TOPAZ1: variants seen among roughly 807,000 people sequenced by gnomAD.
TOPAZ1 encodes the protein protein TOPAZ1.
TOPAZ1 carries 66 observed loss-of-function variants against 172.2 expected under a neutral mutation model. The observed-to-expected ratio is 0.38, with a 90% CI of 0.31 to 0.47. TOPAZ1 has a LOEUF of 0.47. Among genes scored for constraint, TOPAZ1 ranks in the 20% least tolerant of loss-of-function variants. The pLI is 0.99. For synonymous variants in TOPAZ1, 681 were observed against 683.9 expected, an observed-to-expected ratio of 1.00 and a Z score of 0.07; for missense variants, 1,822 against 1,972.4, an observed-to-expected ratio of 0.92 and a Z score of 1.44.
intron 17 of TOPAZ1, among the ~76,000 whole-genome samples, chr3:44,322,153 T>C (rs1384829785): frequency 1.3e-5 from 2 of 152,196 alleles, no homozygotes; most frequent in East Asian, 3.9e-4. Context: ...AAGTCCTGGA[T>C]AACTAAAAGA....
intron 14 of TOPAZ1, among the ~76,000 whole-genome samples, chr3:44,305,711 T>G (rs1038052449): frequency 5.9e-5 from 9 of 152,008 alleles, no homozygotes; most frequent in African/African-American, 1.7e-4. Context: ...AAAAAAAAAT[T>G]AAAAAAAGAA....
chr3:44,300,278 A>G (rs556835300), intron 12 of TOPAZ1, among the ~76,000 whole-genome samples: 2 of 151,958 alleles, frequency 1.3e-5, no homozygotes, highest in South Asian at 4.2e-4. Flanking sequence ...ACTAAAAATA[A>G]CAAAAATTAC....
chr3:44,254,515 T>A (rs1287303192), intron 2 of TOPAZ1, among the ~76,000 whole-genome samples: 1 of 150,882 alleles, frequency 6.6e-6, no homozygotes, highest in African/African-American at 2.4e-5. Context: ...TAATCCCAGC[T>A]ACTCAGGAGG....
In TOPAZ1 at chr3:44,242,030, C is replaced by T; in HGVS notation, c.-24C>T. The T allele has an allele frequency of 6.5e-7, 1 of 1,536,022 alleles. No homozygotes were observed. Among genetic ancestry groups the T allele is most frequent in the Non-Finnish European group, 8.7e-7 (1 of 1,144,224 alleles). Reference sequence around the variant, plus strand: ...TTCCTGCGAGCTGGTGCAGAGGGGCCCCAGCGGGCCGGCCCCGGGGCACAT... The same window carrying T: ...TTCCTGCGAGCTGGTGCAGAGGGGCTCCAGCGGGCCGGCCCCGGGGCACAT... On this transcript the variant is annotated 5_prime_UTR_variant, in exon 1 of 20. Transcript: ENST00000309765.
At chr3:44,268,631 C>T (rs951828051) in intron 6 of TOPAZ1, among the ~76,000 whole-genome samples, 1 of 152,054 alleles carries the variant, frequency 6.6e-6, no homozygotes, top group Non-Finnish European at 1.5e-5. Context: ...AATCTGCCCA[C>T]GTGGGCCTCC....
intron 9 of TOPAZ1, among the ~76,000 whole-genome samples, chr3:44,285,082 T>C (rs553191923): frequency 6.6e-6 from 1 of 152,232 alleles, no homozygotes; most frequent in African/African-American, 2.4e-5. Context: ...ACTAGAATTA[T>C]GCATTCCTAA....
At chr3:44,324,839 T>C (rs758725386) in intron 18 of TOPAZ1, among the ~76,000 whole-genome samples, 13 of 152,186 alleles carry the variant, frequency 8.5e-5, no homozygotes, top group Non-Finnish European at 1.6e-4. Context: ...TCAGCCCTAG[T>C]AAGAATTACT....
intron 12 of TOPAZ1, among the ~76,000 whole-genome samples, chr3:44,301,930 GTCA>G (rs1033289070): frequency 6.6e-6 from 1 of 152,034 alleles, no homozygotes; most frequent in African/African-American, 2.4e-5. Flanking sequence ...GTGGTTTTGA[GTCA>G]TCATTTCTCT....
At chr3:44,286,637 A>G (rs1434872747) in intron 9 of TOPAZ1, among the ~76,000 whole-genome samples, 1 of 152,202 alleles carries the variant, frequency 6.6e-6, no homozygotes, top group Non-Finnish European at 1.5e-5. Flanking sequence ...AAATATTTCT[A>G]ATAGAAGTAA....
At chr3:44,297,816 AATCAACCATATTTCT>A (rs1700216840) in intron 12 of TOPAZ1, among the ~76,000 whole-genome samples, 1 of 152,190 alleles carries the variant, frequency 6.6e-6, no homozygotes, top group Non-Finnish European at 1.5e-5. Flanking sequence ...TCAACACAAA[AATCAACCATATTTCT>A]ATATACTGAA....
At chr3:44,271,216 G>T (rs1699894815) in intron 8 of TOPAZ1, among the ~76,000 whole-genome samples, 1 of 152,148 alleles carries the variant, frequency 6.6e-6, no homozygotes, top group Non-Finnish European at 1.5e-5. Context: ...AGCCCTAGTA[G>T]ATAACAGCCA....
chr3:44,298,909 ATTTTTTTTTTT>A (rs1220596657), intron 12 of TOPAZ1, among the ~76,000 whole-genome samples: 3 of 41,318 alleles, frequency 7.3e-5, no homozygotes, highest in Non-Finnish European at 1.3e-4. Flanking sequence ...ATATATATAT[ATTTTTTTTTTT>A]TTTTTTTTTT....
chr3:44,330,264 G>A (rs4575873), intron 19 of TOPAZ1, among the ~76,000 whole-genome samples: 6 of 152,016 alleles, frequency 3.9e-5, no homozygotes, highest in Non-Finnish European at 8.8e-5. Flanking sequence ...ATCCTAATGA[G>A]GTCATGGTTT....
intron 7 of TOPAZ1, 41 bp from the exon 8 acceptor site, chr3:44,270,644 T>G (rs1452723192): frequency 2.7e-6 from 4 of 1,488,408 alleles, no homozygotes; most frequent in Non-Finnish European, 3.6e-6. Context: ...TAGTAAGTGC[T>G]TTACAGTTAA....
intron 14 of TOPAZ1, 51 bp downstream of exon 14, chr3:44,305,372 T>C: frequency 7.0e-7 from 1 of 1,431,828 alleles, no homozygotes; most frequent in Non-Finnish European, 9.2e-7. Flanking sequence ...GGTGCAGTTT[T>C]CTTTTTTGTT....
chr3:44,287,698 G>T, intron 10 of TOPAZ1, 49 bp from the exon 11 acceptor site: 1 of 1,109,304 alleles, frequency 9.0e-7, no homozygotes, highest in East Asian at 2.7e-5. Flanking sequence ...AATTTAAGGT[G>T]TACTAAAAGA....
At chr3:44,286,904 T>C (rs1313146729) in intron 9 of TOPAZ1, among the ~76,000 whole-genome samples, 1 of 152,162 alleles carries the variant, frequency 6.6e-6, no homozygotes, top group Non-Finnish European at 1.5e-5. Flanking sequence ...TGTTCCACAA[T>C]CACAAACTGA....
Position 44,267,006 on chromosome 3 carries a change from T to C in TOPAZ1, c.3030T>C (p.Ser1010=). ...TTTTCCTTTCACACAGCAAAGATTC[T>C]AGAAATGCAGACTTTATGGTCGGCG... ...NIYEVCKSKD[S]RNADFMVGEC... Residue 1010 remains serine, a synonymous_variant, in exon 6 of 20, where the codon TCT becomes TCC. Transcript: ENST00000309765. 1 of 1,539,566 alleles carries C rather than the reference T, an allele frequency of 6.5e-7. No homozygotes were observed. Among genetic ancestry groups the C allele is most frequent in the Non-Finnish European group, 8.8e-7 (1 of 1,142,794 alleles).
chr3:44,258,361 G>A (rs748549097), intron 4 of TOPAZ1, among the ~76,000 whole-genome samples: 7 of 152,090 alleles, frequency 4.6e-5, no homozygotes, highest in Admixed American at 2.6e-4. Context: ...CAGAATATTG[G>A]CATTAATACG....
Sources: gnomAD v4.1 joint callset for allele counts (sites outside exome capture counted in the v4.1 genomes callset) on GRCh38, gnomAD v4.1.1 for gene constraint, MANE v1.5 for transcripts, NCBI Gene and HGNC (gene_info 2026-07-23, HGNC 2026-07-21) for gene names.